Variants in MCPH1 observed in about 807,000 individuals in gnomAD.
MCPH1 encodes microcephalin.
A neutral mutation model predicts 84.5 loss-of-function variants in MCPH1; 104 were observed. The ratio of observed to expected loss-of-function variants is 1.23; its 90% CI spans 1.05 to 1.45. The LOEUF (loss-of-function observed/expected upper bound fraction) is 1.45. Among genes scored for constraint, MCPH1 ranks in the 40% most tolerant of loss-of-function variants. The pLI is 0.00. For synonymous variants in MCPH1, 514 were observed against 366.8 expected (o/e 1.40, Z -4.58); for missense variants, 1,498 against 1,005.7 (o/e 1.49, Z -6.62).
chr8:6,510,670 A>T (rs1782198482), intron 12 of MCPH1, among the ~76,000 whole-genome samples: 1 of 152,138 alleles, frequency 6.6e-6, no homozygotes. Flanking sequence ...TGGAGGTAGG[A>T]TTTGCACCAG....
chr8:6,504,016 T>C (rs1488048635), intron 12 of MCPH1, among the ~76,000 whole-genome samples: 1 of 152,134 alleles, frequency 6.6e-6, no homozygotes, highest in African/African-American at 2.4e-5. Flanking sequence ...TGGAAAAATC[T>C]AGAAATATTC....
At chr8:6,532,488 C>T (rs1191589531) in intron 12 of MCPH1, 4 of 1,609,130 alleles carry the variant, frequency 2.5e-6, no homozygotes, top group Non-Finnish European at 3.4e-6. Context: ...AATTCTCAAG[C>T]TAGAAAAGAA....
intron 12 of MCPH1, among the ~76,000 whole-genome samples, chr8:6,610,591 T>C (rs1294063955): frequency 1.3e-5 from 2 of 152,202 alleles, no homozygotes; most frequent in Non-Finnish European, 2.9e-5. Context: ...ATCTTCTTTC[T>C]TTTTAGCTCC....
At chr8:6,433,727 A>G (rs1309153038) in intron 4 of MCPH1, among the ~76,000 whole-genome samples, 2 of 151,738 alleles carry the variant, frequency 1.3e-5, no homozygotes, top group Non-Finnish European at 1.5e-5. Flanking sequence ...TGAAGCATTA[A>G]TGATTGCTTG....
At chr8:6,449,368 T>C (rs1206316047) in intron 8 of MCPH1, among the ~76,000 whole-genome samples, 1 of 152,170 alleles carries the variant, frequency 6.6e-6, no homozygotes, top group Non-Finnish European at 1.5e-5. Context: ...GTGTGATGGC[T>C]CACGCCTGTA....
At chr8:6,488,644 A>C (rs2920678) in intron 11 of MCPH1, among the ~76,000 whole-genome samples, 53,500 of 152,016 alleles carry the variant, frequency 0.35, 10,607 homozygotes, top group African/African-American at 0.55. Flanking sequence ...CAAGAAAGAG[A>C]AATACCTGAG....
chr8:6,412,104 A>G (rs969904246), intron 2 of MCPH1, among the ~76,000 whole-genome samples: 1 of 152,140 alleles, frequency 6.6e-6, no homozygotes, highest in Non-Finnish European at 1.5e-5. Context: ...TGAATACCCT[A>G]AGAGCCTTGT....
At chr8:6,507,838 C>T (rs893845988) in intron 12 of MCPH1, 1 of 139,342 alleles carries the variant, frequency 7.2e-6, no homozygotes, top group African/African-American at 2.4e-5. Flanking sequence ...CCTCCTTGGC[C>T]TCCCAAAGTG....
chr8:6,523,630 C>G (rs1401944473), intron 12 of MCPH1, among the ~76,000 whole-genome samples: 2 of 152,106 alleles, frequency 1.3e-5, no homozygotes, highest in Middle Eastern at 3.2e-3. Flanking sequence ...CGCGCTGTGG[C>G]CTGGGCTGTT....
At chr8:6,469,970 C>T (rs188756816) in intron 9 of MCPH1, among the ~76,000 whole-genome samples, 351 of 152,278 alleles carry the variant, frequency 2.3e-3, no homozygotes, top group Middle Eastern at 0.02. Flanking sequence ...TTCACGTTTG[C>T]TCTGATTGCC....
intron 12 of MCPH1, among the ~76,000 whole-genome samples, chr8:6,590,276 G>A (rs1007323082): frequency 6.6e-6 from 1 of 152,140 alleles, no homozygotes; most frequent in Non-Finnish European, 1.5e-5. Flanking sequence ...ATAAAGCCAG[G>A]ATGTCAGTGA....
intron 11 of MCPH1, among the ~76,000 whole-genome samples, chr8:6,487,697 G>T (rs1170580649): frequency 6.6e-6 from 1 of 152,204 alleles, no homozygotes; most frequent in Non-Finnish European, 1.5e-5. Flanking sequence ...GCACTTGCAA[G>T]CTGACTAGGA....
intron 9 of MCPH1, among the ~76,000 whole-genome samples, chr8:6,461,874 AT>A (rs965290903): frequency 3.9e-5 from 6 of 151,950 alleles, no homozygotes; most frequent in South Asian, 2.1e-4. Context: ...CACGAATGTA[AT>A]TTTTTTTTCT....
At chr8:6,550,578 T>C (rs1271947588) in intron 12 of MCPH1, among the ~76,000 whole-genome samples, 3 of 152,144 alleles carry the variant, frequency 2.0e-5, no homozygotes, top group East Asian at 1.9e-4. Context: ...GTGCTTCTGG[T>C]GTGACAGCTG....
intron 12 of MCPH1, among the ~76,000 whole-genome samples, chr8:6,567,165 G>A (rs926434889): frequency 9.2e-5 from 5 of 54,246 alleles, no homozygotes; most frequent in Admixed American, 4.6e-4. Flanking sequence ...TGCCCGTGGC[G>A]TGGTGTCCAT....
chr8:6,626,872 T>C, intron 13 of MCPH1: 10 of 985,070 alleles, frequency 1.0e-5, no homozygotes, highest in South Asian at 4.7e-5. Context: ...GCCTTTCTCA[T>C]AGGCGTATTT....
At chr8:6,549,533 T>A (rs1823226067) in intron 12 of MCPH1, among the ~76,000 whole-genome samples, 1 of 151,580 alleles carries the variant, frequency 6.6e-6, no homozygotes, top group African/African-American at 2.4e-5. Context: ...ATTACACAGG[T>A]GCGCACATAT....
At chr8:6,596,127 T>G (rs543647415) in intron 12 of MCPH1, among the ~76,000 whole-genome samples, 8 of 152,344 alleles carry the variant, frequency 5.3e-5, no homozygotes, top group Non-Finnish European at 1.0e-4. Flanking sequence ...CCAAGCATGC[T>G]GAACACCGTA....
intron 12 of MCPH1, among the ~76,000 whole-genome samples, chr8:6,566,457 A>G (rs7817104): frequency 0.063 from 9,651 of 152,248 alleles, 360 homozygotes; most frequent in East Asian, 0.12. Flanking sequence ...AAGGCTATTG[A>G]CACTGTACGC....
Sources: allele counts gnomAD v4.1 joint callset (sites outside exome capture counted in the v4.1 genomes callset), GRCh38; gene constraint gnomAD v4.1.1; transcripts MANE v1.5; gene names NCBI Gene and HGNC (gene_info 2026-07-23, HGNC 2026-07-21).